The following XRCC4 variants were observed in gnomAD, a reference collection of about 807,000 sequenced individuals.
XRCC4 encodes X-ray repair cross complementing 4, also known as DNA repair protein XRCC4.
In XRCC4, 28 loss-of-function variants were observed where a neutral mutation model predicts 39.1. The ratio of observed to expected loss-of-function variants is 0.72; its 90% CI spans 0.53 to 0.98. The LOEUF (loss-of-function observed/expected upper bound fraction) is 0.98, where lower values mean the gene tolerates loss of function less well. XRCC4 is among the 50% of genes least tolerant of loss of function. The pLI, the probability that XRCC4 is intolerant of heterozygous loss-of-function variation, is 0.00. For synonymous variants in XRCC4, 123 were observed against 126.4 expected (o/e 0.97, Z 0.18); for missense variants, 350 against 376.4 (o/e 0.93, Z 0.58).
intron 7 of XRCC4, among the ~76,000 whole-genome samples, chr5:83,330,825 A>G (rs910953850): frequency 2.6e-5 from 4 of 152,098 alleles, no homozygotes; most frequent in Non-Finnish European, 5.9e-5. Flanking sequence ...TAATGCTGGT[A>G]AGAAAACATT....
intron 7 of XRCC4, among the ~76,000 whole-genome samples, chr5:83,346,150 C>T (rs1756911034): frequency 6.6e-6 from 1 of 152,168 alleles, no homozygotes. Flanking sequence ...CTTATTCTGT[C>T]ATTAATGTTT....
intron 3 of XRCC4, among the ~76,000 whole-genome samples, chr5:83,114,864 C>T (rs747283999): frequency 4.6e-5 from 7 of 152,182 alleles, no homozygotes; most frequent in East Asian, 1.9e-4. Flanking sequence ...AAGACATACC[C>T]GAGGCTGGGT....
intron 6 of XRCC4, 62 bp downstream of exon 6, chr5:83,204,983 G>T: frequency 8.9e-7 from 1 of 1,123,342 alleles, no homozygotes. Context: ...TTATTCTAAT[G>T]ACAAGAAACC....
At chr5:83,301,938 C>G (rs943766547) in intron 7 of XRCC4, among the ~76,000 whole-genome samples, 3 of 152,116 alleles carry the variant, frequency 2.0e-5, no homozygotes, top group African/African-American at 7.2e-5. Context: ...GTCTGTATAT[C>G]TATTTTGGTA....
downstream of XRCC4, among the ~76,000 whole-genome samples, chr5:83,355,579 G>A (rs567599348): frequency 6.6e-6 from 1 of 152,166 alleles, no homozygotes; most frequent in African/African-American, 2.4e-5. Flanking sequence ...TATTCAGAAA[G>A]CTCAAGTACT....
downstream of XRCC4, among the ~76,000 whole-genome samples, chr5:83,355,011 C>A (rs1393400760): frequency 2.0e-5 from 3 of 152,094 alleles, no homozygotes; most frequent in East Asian, 1.9e-4. Context: ...AAAGTCTGCA[C>A]CTGTACCTTG....
chr5:83,127,934 T>C (rs530015440), intron 3 of XRCC4, among the ~76,000 whole-genome samples: 4 of 151,638 alleles, frequency 2.6e-5, no homozygotes, highest in Admixed American at 2.0e-4. Flanking sequence ...CTGGCTAGTT[T>C]TGTTAGTTTG....
intron 3 of XRCC4, among the ~76,000 whole-genome samples, chr5:83,144,208 C>T (rs1218948531): frequency 6.6e-6 from 1 of 151,582 alleles, no homozygotes; most frequent in East Asian, 1.9e-4. Flanking sequence ...CCTCCAGCTC[C>T]ATCCAAGTTC....
At chr5:83,215,420 C>G (rs1580380884) in intron 6 of XRCC4, among the ~76,000 whole-genome samples, 2 of 152,160 alleles carry the variant, frequency 1.3e-5, no homozygotes, top group Middle Eastern at 6.8e-3. Context: ...TATCAAAATC[C>G]CAGCTGGTTT....
At chr5:83,231,577 A>G (rs1478170898) in intron 6 of XRCC4, among the ~76,000 whole-genome samples, 2 of 152,082 alleles carry the variant, frequency 1.3e-5, no homozygotes, top group East Asian at 3.9e-4. Context: ...AAATGTTGAC[A>G]CATTTGGACT....
chr5:83,095,988 C>T (rs746147534), intron 1 of XRCC4, among the ~76,000 whole-genome samples: 7 of 151,622 alleles, frequency 4.6e-5, no homozygotes, highest in Admixed American at 3.3e-4. Flanking sequence ...CAGACTTACA[C>T]GAATCCCAGA....
intron 3 of XRCC4, among the ~76,000 whole-genome samples, chr5:83,149,033 C>G (rs1748587827): frequency 6.6e-6 from 1 of 152,094 alleles, no homozygotes; most frequent in African/African-American, 2.4e-5. Context: ...AAAGCAAGAC[C>G]TTTGTTATTG....
chr5:83,258,437 G>A, intron 6 of XRCC4, 93 bp from the exon 7 acceptor site: 1 of 1,428,626 alleles, frequency 7.0e-7, no homozygotes, highest in Middle Eastern at 1.9e-4. Flanking sequence ...TATTTTAATT[G>A]TCACCTTATG....
chr5:83,255,252 A>G (rs1468575245), intron 6 of XRCC4, among the ~76,000 whole-genome samples: 2 of 152,294 alleles, frequency 1.3e-5, no homozygotes, highest in Non-Finnish European at 2.9e-5. Flanking sequence ...TAGATAGATA[A>G]TGAAACTTCA....
chr5:83,255,964 C>A (rs1753522790), intron 6 of XRCC4, among the ~76,000 whole-genome samples: 1 of 152,122 alleles, frequency 6.6e-6, no homozygotes, highest in Non-Finnish European at 1.5e-5. Flanking sequence ...GGCAGTATTT[C>A]TAAAATATTT....
intron 3 of XRCC4, among the ~76,000 whole-genome samples, chr5:83,178,044 GA>G (rs1436834657): frequency 2.6e-5 from 4 of 152,038 alleles, no homozygotes; most frequent in African/African-American, 9.7e-5. Flanking sequence ...AGCTATTTCA[GA>G]TATAGAATTG....
At chr5:83,264,466 TC>T (rs1753884095) in intron 7 of XRCC4, among the ~76,000 whole-genome samples, 1 of 152,154 alleles carries the variant, frequency 6.6e-6, no homozygotes, top group East Asian at 1.9e-4. Flanking sequence ...AGTGAGGGGG[TC>T]AGAGTCTGGT....
At chr5:83,320,809 T>TC (rs1756044445) in intron 7 of XRCC4, among the ~76,000 whole-genome samples, 1 of 108,622 alleles carries the variant, frequency 9.2e-6, no homozygotes, top group Non-Finnish European at 1.6e-5. Flanking sequence ...ATGTACTTCT[T>TC]TTTTTTTTTT....
chr5:83,228,379 C>T (rs1752371333), intron 6 of XRCC4, among the ~76,000 whole-genome samples: 2 of 151,878 alleles, frequency 1.3e-5, no homozygotes. Flanking sequence ...ACCATGTGTC[C>T]TTGTGCCTCC....
Sources: allele counts gnomAD v4.1 joint callset (sites outside exome capture counted in the v4.1 genomes callset), GRCh38; gene constraint gnomAD v4.1.1; transcripts MANE v1.5; gene names NCBI Gene and HGNC (gene_info 2026-07-23, HGNC 2026-07-21).